CSMD1: variants seen among roughly 807,000 people sequenced by gnomAD.
The protein encoded by CSMD1 is CUB and Sushi multiple domains 1.
CSMD1 carries 213 observed loss-of-function variants against 417.5 expected under a neutral mutation model. The ratio of observed to expected loss-of-function variants is 0.51; its 90% confidence interval spans 0.46 to 0.57. The LOEUF (loss-of-function observed/expected upper bound fraction) is 0.57. Among genes scored for constraint, CSMD1 ranks in the 20% least tolerant of loss-of-function variants. CSMD1 has a pLI of 0.00. For missense variants in CSMD1, 6,923 were observed against 4,529.7 expected, an observed-to-expected ratio of 1.53 and a Z score of -15.17; for synonymous variants, 2,862 against 1,736.8, an observed-to-expected ratio of 1.65 and a Z score of -16.11.
rs151202229 is a variant in CSMD1, at chr8:3,885,237, T to G, written c.818+112666A>C. Among the ~76,000 whole-genome samples, 925 of 152,238 alleles carry G rather than the reference T, an allele frequency of 6.1e-3. 10 individuals carry two copies. The highest frequency in any genetic ancestry group is 0.02 in the Middle Eastern group (6 of 294). On this transcript the variant is annotated intron_variant, in intron 5 of 69. Coordinates refer to ENST00000635120, the MANE Select transcript of CSMD1 (RefSeq NM_033225.6). ...CTTATGGGAGACTATTTATTAGTGT[T>G]CACAGAAAATCCTGAAAAGCCTCTA...
At chr8:4,315,160 G>A (rs142565132) in intron 3 of CSMD1, among the ~76,000 whole-genome samples, 6 of 152,202 alleles carry the variant, frequency 3.9e-5, no homozygotes, top group Non-Finnish European at 7.4e-5. Flanking sequence ...CACACCTACC[G>A]GAGACAGATG....
chr8:4,776,376 T>C lies in CSMD1; in HGVS notation c.86-138818A>G, dbSNP rs114988918. Among the ~76,000 whole-genome samples, 385 of 152,308 alleles carry C rather than the reference T, an allele frequency of 2.5e-3. 3 individuals carry two copies. The highest frequency in any genetic ancestry group is 8.9e-3 in the African/African-American group (369 of 41,576). On this transcript the variant is annotated intron_variant, in intron 1 of 69. Coordinates refer to ENST00000635120, the MANE Select transcript of CSMD1 (RefSeq NM_033225.6). ...GAACAACTGCACAGTGCTACTACTA[T>C]ATCTACTATACGTTAACTCAGGTTA...
At chr8:3,254,809 G>C (rs1044459050) in intron 26 of CSMD1, among the ~76,000 whole-genome samples, 5 of 151,930 alleles carry the variant, frequency 3.3e-5, no homozygotes, top group Admixed American at 6.6e-5. Flanking sequence ...CTTTGCCATG[G>C]GTTCAAACTT....
Position 4,779,012 on chromosome 8 carries a change from A to C in CSMD1, c.86-141454T>G, listed in dbSNP as rs73661126. Reference sequence around the variant, plus strand: ...TGGGTGTTTAACAGTATAGGTATGCAATGACCAGATTGATATATCTTAATC... The same window carrying C: ...TGGGTGTTTAACAGTATAGGTATGCCATGACCAGATTGATATATCTTAATC... On this transcript the variant is annotated intron_variant, in intron 1 of 69. Transcript: ENST00000635120. 7.3e-3 allele frequency among the ~76,000 whole-genome samples: 1,117 copies of C among 152,342 alleles called. 11 individuals carry two copies. The highest frequency in any genetic ancestry group is 0.026 in the African/African-American group (1,080 of 41,580).
In CSMD1 at chr8:4,031,979, C is replaced by T. The variant is rs1419430946; in HGVS notation, c.536G>A (p.Gly179Asp). 3.1e-6 allele frequency: 5 copies of T among 1,613,848 alleles called. No individual in the cohort carries two copies. The Admixed American group carries it at 5.0e-5, about 16-fold the overall frequency. The change falls in exon 4 of 70, where the codon GGC becomes GAC. Residue 179 changes from glycine to aspartate, a missense_variant. Coordinates refer to ENST00000635120, the MANE Select transcript of CSMD1 (RefSeq NM_033225.6). ...YSCLPGYILE[G>D]HAILTCIVSP... ...GACGATGCAGGTCAGGATGGCGTGG[C>T]CTTCCAAGATGTAGCCAGGGAGGCA...
chr8:4,769,088 T>C (rs991203010), intron 1 of CSMD1, among the ~76,000 whole-genome samples: 16 of 152,216 alleles, frequency 1.1e-4, no homozygotes, highest in Non-Finnish European at 2.4e-4. Flanking sequence ...AGCTTGGGGC[T>C]TGCAGATGGA....
chr8:4,802,592 T>C (rs17071407), intron 1 of CSMD1, among the ~76,000 whole-genome samples: 10,181 of 152,244 alleles, frequency 0.067, 559 homozygotes, highest in East Asian at 0.23. Context: ...GTTTTTTTCT[T>C]ACACTTAATT....
chr8:4,313,869 C>T, intron 3 of CSMD1, among the ~76,000 whole-genome samples: 1 of 151,952 alleles, frequency 6.6e-6, no homozygotes, highest in East Asian at 1.9e-4. Context: ...CAAAAATTAG[C>T]TAGGCATGGT....
In CSMD1 at chr8:3,110,200, G is replaced by A; in HGVS notation, c.6566C>T (p.Thr2189Ile). The A allele has an allele frequency of 6.2e-7, 1 of 1,613,010 alleles. No homozygotes were observed. Among genetic ancestry groups the A allele is most frequent in the Non-Finnish European group, 8.5e-7 (1 of 1,179,500 alleles). The change falls in exon 43 of 70, where the codon ACC becomes ATC. Residue 2189 changes from threonine (T) to isoleucine (I), a missense_variant. Coordinates refer to ENST00000635120, the MANE Select transcript of CSMD1 (RefSeq NM_033225.6). ...GTTGACAGCTTCCGTCTGTAACAGG[G>A]TGAAGTTGATGTAAACTCCGTGCCC... The part of the protein sequence containing the change: ...PPGHGVYINF[T>I]LLQTEAVNDY...
chr8:4,894,809 A>G (rs1804371451), intron 1 of CSMD1, among the ~76,000 whole-genome samples: 1 of 151,970 alleles, frequency 6.6e-6, no homozygotes, highest in African/African-American at 2.4e-5. Context: ...TCATGAACGG[A>G]CAACTTGATC....
chr8:3,978,164 G>T (rs1042287490), intron 5 of CSMD1, among the ~76,000 whole-genome samples: 1 of 152,116 alleles, frequency 6.6e-6, no homozygotes, highest in African/African-American at 2.4e-5. Flanking sequence ...CTCGAGTGAG[G>T]AAACAGCCTG....
chr8:3,094,654 T>A (rs1234525896), intron 47 of CSMD1, among the ~76,000 whole-genome samples: 1 of 152,152 alleles, frequency 6.6e-6, no homozygotes, highest in Non-Finnish European at 1.5e-5. Context: ...TTCATAATGA[T>A]TAAAATACTG....
chr8:3,039,001 C>T (rs1004032228), intron 50 of CSMD1, among the ~76,000 whole-genome samples: 2 of 152,088 alleles, frequency 1.3e-5, no homozygotes, highest in Non-Finnish European at 2.9e-5. Context: ...TGGCGACAAG[C>T]AGACTAGGTC....
intron 4 of CSMD1, among the ~76,000 whole-genome samples, chr8:4,019,930 AAC>A (rs1491171801): frequency 7.0e-5 from 9 of 129,074 alleles, no homozygotes; most frequent in Non-Finnish European, 1.0e-4. Context: ...AAAAAAAAAA[AAC>A]CCTTTTTTTT....
At chr8:3,892,853 G>A (rs138041775) in intron 5 of CSMD1, among the ~76,000 whole-genome samples, 1 of 151,572 alleles carries the variant, frequency 6.6e-6, no homozygotes, top group East Asian at 1.9e-4. Context: ...TGTGTTCCAC[G>A]GGCCAGACAC....
intron 5 of CSMD1, among the ~76,000 whole-genome samples, chr8:3,774,674 C>G (rs1484996621): frequency 6.6e-6 from 1 of 152,138 alleles, no homozygotes; most frequent in Non-Finnish European, 1.5e-5. Flanking sequence ...GTGAAAAAAT[C>G]AGTTTGACTA....
chr8:3,529,912 C>G (rs1797907742), intron 10 of CSMD1, among the ~76,000 whole-genome samples: 1 of 152,150 alleles, frequency 6.6e-6, no homozygotes, highest in Non-Finnish European at 1.5e-5. Context: ...CGAGGCCTTT[C>G]TAGTCATAGA....
At chr8:4,455,401 G>A (rs756755006) in intron 2 of CSMD1, among the ~76,000 whole-genome samples, 1 of 152,124 alleles carries the variant, frequency 6.6e-6, no homozygotes, top group Non-Finnish European at 1.5e-5. Context: ...TTTATACACA[G>A]CTGTCATGTG....
At chr8:3,326,519 C>T (rs1283558319) in intron 23 of CSMD1, among the ~76,000 whole-genome samples, 1 of 152,176 alleles carries the variant, frequency 6.6e-6, no homozygotes, top group Non-Finnish European at 1.5e-5. Context: ...TCACGTTTGG[C>T]CCCAAGTGCC....
Sources: allele counts gnomAD v4.1 joint callset (sites outside exome capture counted in the v4.1 genomes callset), GRCh38; gene constraint gnomAD v4.1.1; transcripts MANE v1.5; gene names NCBI Gene and HGNC (gene_info 2026-07-23, HGNC 2026-07-21).